ZDHHC11: variants seen among roughly 807,000 people sequenced by gnomAD.
The protein encoded by ZDHHC11 is zDHHC palmitoyltransferase 11, also known as palmitoyltransferase ZDHHC11.
A neutral mutation model predicts 51.3 loss-of-function variants in ZDHHC11; 44 were observed. The ratio of observed to expected loss-of-function variants is 0.86; its 90% CI spans 0.67 to 1.10. ZDHHC11 has a LOEUF of 1.10. Ranked by LOEUF, ZDHHC11 falls within the 50% of genes least tolerant of loss-of-function variation. ZDHHC11 has a pLI of 0.00. For synonymous variants in ZDHHC11, 163 were observed against 222.0 expected (o/e 0.73, Z 2.36); for missense variants, 400 against 537.7 (o/e 0.74, Z 2.53).
intron 3 of ZDHHC11, among the ~76,000 whole-genome samples, chr5:845,567 C>T (rs1468413678): frequency 1.3e-5 from 2 of 152,188 alleles, no homozygotes; most frequent in African/African-American, 4.8e-5. Context: ...GCCTTCTTTC[C>T]GTCCCCCTTC....
chr5:797,860 G>A (rs1210432446), intron 12 of ZDHHC11, among the ~76,000 whole-genome samples: 3 of 150,380 alleles, frequency 2.0e-5, no homozygotes, highest in African/African-American at 7.3e-5. Context: ...AGAAATCTTT[G>A]AGGCTTAGGA....
At chr5:809,004 C>CACACACACAG (rs1224058311) in intron 11 of ZDHHC11, among the ~76,000 whole-genome samples, 2 of 144,772 alleles carry the variant, frequency 1.4e-5, no homozygotes, top group South Asian at 2.2e-4. Flanking sequence ...CACACACACA[C>CACACACACAG]ACACACACAC....
intron 11 of ZDHHC11, among the ~76,000 whole-genome samples, chr5:803,880 T>G (rs1350963727): frequency 2.7e-5 from 4 of 148,700 alleles, no homozygotes; most frequent in Admixed American, 2.7e-4. Context: ...ATTAGAAGAG[T>G]TCAACAGATT....
intron 4 of ZDHHC11, among the ~76,000 whole-genome samples, chr5:843,129 G>A: frequency 6.6e-6 from 1 of 152,290 alleles, no homozygotes; most frequent in Non-Finnish European, 1.5e-5. Flanking sequence ...GGTTCCCGAG[G>A]CCCAGGCTCC....
At chr5:839,629 C>T (rs1443605657) in intron 5 of ZDHHC11, 1 of 149,606 alleles carries the variant, frequency 6.7e-6, no homozygotes, top group African/African-American at 2.5e-5. Context: ...CAAGGAGGCT[C>T]TTGGTGGGGT....
chr5:848,055 C>A (rs962373231), intron 2 of ZDHHC11, among the ~76,000 whole-genome samples: 1 of 149,886 alleles, frequency 6.7e-6, no homozygotes, highest in South Asian at 2.1e-4. Context: ...TCCAGGGCCC[C>A]TGGAGACACT....
At position 801,184 on chromosome 5, in the gene ZDHHC11, A is replaced by G; in HGVS notation, c.1182-20T>C. On this transcript the variant is annotated intron_variant, in intron 11 of 12. Coordinates refer to ENST00000283441, the MANE Select transcript of ZDHHC11 (RefSeq NM_024786.3). ...TGCAGCCTGTTTGCAATATTCAGAA[A>G]GAGAAACAACAGAGAACGTATGATG... 6.2e-7 allele frequency: 1 copy of G among 1,610,124 alleles called. No homozygotes were observed. Among genetic ancestry groups the G allele is most frequent in the Non-Finnish European group, 8.5e-7 (1 of 1,177,514 alleles).
intron 7 of ZDHHC11, among the ~76,000 whole-genome samples, chr5:830,132 A>G (rs1423655518): frequency 7.6e-6 from 1 of 131,854 alleles, no homozygotes; most frequent in East Asian, 2.0e-4. Context: ...TGGAAGATCT[A>G]GCCAGAGCAA....
intron 7 of ZDHHC11, among the ~76,000 whole-genome samples, chr5:825,468 C>T (rs1742221677): frequency 6.6e-6 from 1 of 152,126 alleles, no homozygotes; most frequent in African/African-American, 2.4e-5. Context: ...GACCATGACT[C>T]TTTGCCACTG....
At position 825,176 on chromosome 5, in the gene ZDHHC11, A is replaced by G; in HGVS notation, c.1011T>C (p.Asp337=). The change falls in exon 8 of 13, where the codon GAT becomes GAC. Residue 337 remains aspartate, a synonymous_variant. Coordinates refer to ENST00000283441, the MANE Select transcript of ZDHHC11 (RefSeq NM_024786.3). The part of the protein sequence containing the change: ...HFCTSVNQDG[D]STAREGDEDP... ...GACTGCAACTTACCCGTGCCGTCGA[A>G]TCCCCATCCTGGTTTACTGAAGTGC... 1 of 1,612,430 alleles carries G rather than the reference A, an allele frequency of 6.2e-7. No individual in the cohort carries two copies. Among genetic ancestry groups the G allele is most frequent in the South Asian group, 1.1e-5 (1 of 90,992 alleles).
At position 804,933 on chromosome 5, in the gene ZDHHC11, A is replaced by G. The variant is rs535352014; in HGVS notation, c.1182-3769T>C. Among the ~76,000 whole-genome samples, 336 of 151,596 alleles carry G rather than the reference A, an allele frequency of 2.2e-3. 9 individuals are homozygous for G. Among genetic ancestry groups the G allele is most frequent in the South Asian group, 4.8e-3 (23 of 4,806 alleles). ...CAAAGAAATAAAGAACATTGGCAAA[A>G]AAATAAAGAACACAGGTAAATATAC... is the stretch of plus-strand genomic sequence containing the variant. On this transcript the variant is annotated intron_variant, in intron 11 of 12. Coordinates refer to ENST00000283441, the MANE Select transcript of ZDHHC11 (RefSeq NM_024786.3).
intron 3 of ZDHHC11, among the ~76,000 whole-genome samples, chr5:846,103 G>T (rs892429537): frequency 6.6e-6 from 1 of 150,432 alleles, no homozygotes; most frequent in African/African-American, 2.5e-5. Flanking sequence ...CTTCTCCAGG[G>T]GAGGAGGCCG....
At chr5:825,434 A>C (rs1257829199) in intron 7 of ZDHHC11, among the ~76,000 whole-genome samples, 183 bp from the exon 8 acceptor site, 2 of 152,106 alleles carry the variant, frequency 1.3e-5, no homozygotes, top group Non-Finnish European at 2.9e-5. Flanking sequence ...GCAGTGGCAC[A>C]CGTAAGAAGC....
intron 4 of ZDHHC11, chr5:841,398 C>T (rs1744923313): frequency 2.6e-6 from 1 of 390,348 alleles, no homozygotes; most frequent in Admixed American, 2.6e-4. Flanking sequence ...CCACCCCTTC[C>T]TCACTAAGTG....
intron 11 of ZDHHC11, among the ~76,000 whole-genome samples, chr5:803,833 C>T (rs1199214937): frequency 6.7e-6 from 1 of 149,968 alleles, no homozygotes; most frequent in Non-Finnish European, 1.5e-5. Context: ...CAAAAAGAAA[C>T]TGGAGCTGGA....
intron 1 of ZDHHC11, among the ~76,000 whole-genome samples, chr5:856,886 CCA>C (rs1003114047): frequency 2.1e-4 from 32 of 150,762 alleles, no homozygotes; most frequent in African/African-American, 5.4e-4. Flanking sequence ...CCCCAAAATA[CCA>C]CACATACACC....
In ZDHHC11 at chr5:836,316, G is replaced by GT. The variant is rs139894693; in HGVS notation, c.900+1048dup. ...TATTGGACTAACGTGCTGAGCTGTAGTAATTGATTCCTAGGCCTTAAGCCA... is the reference window on the plus strand; with the variant it reads ...TATTGGACTAACGTGCTGAGCTGTAGTTAATTGATTCCTAGGCCTTAAGCCA... On this transcript the variant is annotated intron_variant, in intron 6 of 12. Coordinates refer to ENST00000283441, the MANE Select transcript of ZDHHC11 (RefSeq NM_024786.3). 1.8e-3 allele frequency among the ~76,000 whole-genome samples: 272 copies of GT among 150,534 alleles called. 4 individuals carry two copies. The East Asian group carries it at 0.045, about 25-fold the overall frequency.
At chr5:838,808 G>C (rs1744315532) in intron 5 of ZDHHC11, among the ~76,000 whole-genome samples, 1 of 151,158 alleles carries the variant, frequency 6.6e-6, no homozygotes, top group African/African-American at 2.4e-5. Context: ...TGCCGCCTGA[G>C]GCAAGGGCCA....
chr5:852,444 G>A (rs1477795581), upstream of ZDHHC11, among the ~76,000 whole-genome samples: 1 of 152,252 alleles, frequency 6.6e-6, no homozygotes, highest in Non-Finnish European at 1.5e-5. Flanking sequence ...AGGATGATTG[G>A]AAAAAGTAAT....
Sources: allele counts gnomAD v4.1 joint callset (sites outside exome capture counted in the v4.1 genomes callset), GRCh38; gene constraint gnomAD v4.1.1; transcripts MANE v1.5; gene names NCBI Gene and HGNC (gene_info 2026-07-23, HGNC 2026-07-21).